Variants in LAS1L observed in about 807,000 individuals in gnomAD.
The protein encoded by LAS1L is LAS1 like ribosome biogenesis factor.
LAS1L carries 5 observed loss-of-function variants against 57.3 expected under a neutral mutation model. That is an observed-to-expected ratio of 0.09 (90% CI 0.05 to 0.18). LAS1L has a LOEUF of 0.18. LAS1L is among the 10% of genes least tolerant of loss of function. The pLI is 1.00. For missense variants in LAS1L, 360 were observed against 568.3 expected, an observed-to-expected ratio of 0.63 and a Z score of 3.73; for synonymous variants, 245 against 231.7, an observed-to-expected ratio of 1.06 and a Z score of -0.52.
At chrX:65,520,364 A>G in intron 11 of LAS1L, 2 of 602,961 alleles carry the variant, frequency 3.3e-6, no homozygotes, top group Non-Finnish European at 4.0e-6. Flanking sequence ...TCCACCTCCC[A>G]AGACTGCTGT....
rs776127433 is a variant in LAS1L, at chrX:65,516,871, GACAA to G, written c.1927+1112_1927+1115del. 3.4e-4 allele frequency among the ~76,000 whole-genome samples: 37 copies of G among 110,284 alleles called. 1 individual carries two copies. The highest frequency in any genetic ancestry group is 5.7e-4 in the East Asian group (2 of 3,520). On this transcript the variant is annotated intron_variant, in intron 12 of 13. Transcript: ENST00000374811. ...AGCCCTTCCACCCTGTCCATACAAG[GACAA>G]ACAAAGGCCATAGTATCTTTCTCTA...
intron 11 of LAS1L, 61 bp downstream of exon 11, chrX:65,523,499 A>G: frequency 9.4e-7 from 1 of 1,068,359 alleles, no homozygotes; most frequent in Non-Finnish European, 1.2e-6. Context: ...ATTCTAGGGC[A>G]GTGTGGCCCT....
intron 7 of LAS1L, among the ~76,000 whole-genome samples, chrX:65,527,462 G>A (rs891786584): frequency 2.7e-5 from 3 of 110,774 alleles, no homozygotes; most frequent in Non-Finnish European, 5.7e-5. Context: ...TCTTGAGTGT[G>A]CGAGGTTGAG....
rs1379421207 is a variant in LAS1L, at chrX:65,529,884, G to T, written c.515-6C>A. 1.7e-6 allele frequency: 2 copies of T among 1,207,993 alleles called. No homozygotes were observed. Among genetic ancestry groups the T allele is most frequent in the South Asian group, 1.8e-5 (1 of 56,707 alleles). On this transcript the variant is annotated splice_region_variant and splice_polypyrimidine_tract_variant and intron_variant, in intron 4 of 13. Transcript: ENST00000374811. ...ATCCAGGACAAAGTAGCAGCCTAGA[G>T]GGGGGAAGGCAGGCAGTGCCACAGG...
At chrX:65,522,685 C>A (rs1256556861) in intron 11 of LAS1L, 1 of 111,740 alleles carries the variant, frequency 8.9e-6, no homozygotes, top group Non-Finnish European at 1.9e-5. Context: ...TGGATGCAGG[C>A]AAAGAGCAGA....
chrX:65,528,232 C>T (rs758682345), intron 7 of LAS1L, 28 bp downstream of exon 7: 15 of 965,677 alleles, frequency 1.6e-5, no homozygotes, highest in East Asian at 6.4e-5. Context: ...CTAGAGAATA[C>T]GCAGCTCCCG....
chrX:65,513,434 CG>C (rs1174761576), intron 13 of LAS1L, among the ~76,000 whole-genome samples: 1 of 112,228 alleles, frequency 8.9e-6, no homozygotes, highest in Non-Finnish European at 1.9e-5. Context: ...CCCTGCTTCC[CG>C]CAAGTCAAGG....
intron 12 of LAS1L, among the ~76,000 whole-genome samples, chrX:65,517,405 G>A (rs1408346020): frequency 1.8e-5 from 2 of 109,784 alleles, no homozygotes; most frequent in African/African-American, 3.3e-5. Context: ...CCGCCACCAC[G>A]CCCAGCTAAT....
At position 65,512,724 on chromosome X, in the gene LAS1L, T is replaced by C. The variant is rs12388845; in HGVS notation, c.*51A>G. On this transcript the variant is annotated 3_prime_UTR_variant, in exon 14 of 14. Transcript: ENST00000374811. Reference sequence around the variant, plus strand: ...AGGGAGCATCAGTTGTACTAGGGGGTGGGCTGTTGCCCTGGCACGGCTGGA... The same window carrying C: ...AGGGAGCATCAGTTGTACTAGGGGGCGGGCTGTTGCCCTGGCACGGCTGGA... 8.8e-7 allele frequency: 1 copy of C among 1,137,018 alleles called. No individual in the cohort carries two copies. The highest frequency in any genetic ancestry group is 1.8e-5 in the African/African-American group (1 of 55,597). 93.7% of individuals were successfully genotyped at this position (1,137,018 alleles called of 1,213,427 possible).
At chrX:65,524,888 G>T in intron 8 of LAS1L, 77 bp downstream of exon 8, 1 of 854,737 alleles carries the variant, frequency 1.2e-6, no homozygotes, top group Non-Finnish European at 1.7e-6. Flanking sequence ...CCCCAACCCA[G>T]GGCCCCCCAG....
At position 65,531,065 on chromosome X, in the gene LAS1L, T is replaced by A. The variant is rs749921413; in HGVS notation, c.514+292A>T. 2.1e-3 allele frequency among the ~76,000 whole-genome samples: 235 copies of A among 112,359 alleles called. 1 individual carries two copies. Among genetic ancestry groups the A allele is most frequent in the Non-Finnish European group, 3.6e-3 (192 of 53,243 alleles). ...AGGTATCAAAATATGCCAAGCCATG[T>A]TGGAAGCTGAAACAAAAGGAGAAAT... On this transcript the variant is annotated intron_variant, in intron 4 of 13. Coordinates refer to ENST00000374811, the MANE Select transcript of LAS1L (RefSeq NM_031206.7).
intron 11 of LAS1L, chrX:65,521,241 C>T (rs2068836952): frequency 4.0e-6 from 3 of 752,462 alleles, no homozygotes; most frequent in Non-Finnish European, 4.7e-6. Context: ...CAGACTCCCA[C>T]TTCATTCATT....
chrX:65,524,135 T>C lies in LAS1L; in HGVS notation c.1221A>G (p.Pro407=). Residue 407 remains proline, a synonymous_variant, in exon 10 of 14, where the codon CCA becomes CCG. Coordinates refer to ENST00000374811, the MANE Select transcript of LAS1L (RefSeq NM_031206.7). ...ALLERMLSEL[P]ALGISGIRPT... ...GCCGGATCCCGCTGATCCCCAAGGC[T>C]GGCAGTTCAGAGAGCATCCTCTCCA... The C allele has an allele frequency of 9.1e-6, 11 of 1,211,300 alleles. No homozygotes were observed. The highest frequency in any genetic ancestry group is 1.2e-5 in the Non-Finnish European group (11 of 895,202).
intron 13 of LAS1L, among the ~76,000 whole-genome samples, chrX:65,513,157 C>T (rs2068506017): frequency 8.9e-6 from 1 of 112,198 alleles, no homozygotes; most frequent in Admixed American, 9.4e-5. Flanking sequence ...GTAGATAAAC[C>T]AGATTAAAGC....
At chrX:65,523,871 T>C (rs2068986209) in intron 10 of LAS1L, among the ~76,000 whole-genome samples, 164 bp from the exon 11 acceptor site, 1 of 112,063 alleles carries the variant, frequency 8.9e-6, no homozygotes, top group Non-Finnish European at 1.9e-5. Context: ...CCCAGTTTAG[T>C]TGGCTCTGAG....
At chrX:65,525,706 T>G (rs1357504814) in intron 7 of LAS1L, among the ~76,000 whole-genome samples, 2 of 98,825 alleles carry the variant, frequency 2.0e-5, no homozygotes, top group African/African-American at 8.9e-5. Flanking sequence ...TGGGAGTTAT[T>G]TATATCCTAC....
intron 5 of LAS1L, 26 bp downstream of exon 5, chrX:65,529,568 C>T (rs756257847): frequency 2.5e-6 from 3 of 1,195,645 alleles, no homozygotes; most frequent in Admixed American, 4.5e-5. Context: ...GCTCATGGGC[C>T]GCTTTCTGCC....
intron 7 of LAS1L, among the ~76,000 whole-genome samples, chrX:65,525,765 A>AAAAAAAAAAAAAAG (rs1556309415): frequency 9.3e-6 from 1 of 107,504 alleles, no homozygotes; most frequent in African/African-American, 3.6e-5. Flanking sequence ...AAAAAAAAAA[A>AAAAAAAAAAAAAAG]AAAGAAAGAA....
Position 65,518,227 on chromosome X carries a change from CATT to C in LAS1L, c.1684_1686del (p.Asn562del). Reference sequence around the variant, plus strand: ...TCCTCCTTCTCCTCTTCCTTGACATCATTAACACTGCCCTGCTCCTCCTGTTGC... The same window carrying C: ...TCCTCCTTCTCCTCTTCCTTGACATCAACACTGCCCTGCTCCTCCTGTTGC... On this transcript the variant is annotated inframe_deletion, in exon 12 of 14. Coordinates refer to ENST00000374811, the MANE Select transcript of LAS1L (RefSeq NM_031206.7). 1 of 1,212,050 alleles carries C rather than the reference CATT, an allele frequency of 8.3e-7. No individual in the cohort carries two copies. Among genetic ancestry groups the C allele is most frequent in the Non-Finnish European group, 1.1e-6 (1 of 895,527 alleles).
Sources: gnomAD v4.1 joint callset for allele counts (sites outside exome capture counted in the v4.1 genomes callset) on GRCh38, gnomAD v4.1.1 for gene constraint, MANE v1.5 for transcripts, NCBI Gene and HGNC (gene_info 2026-07-23, HGNC 2026-07-21) for gene names.